AJAP1: variants seen among roughly 807,000 people sequenced by gnomAD.
The protein encoded by AJAP1 is adherens junctions associated protein 1.
AJAP1 carries 5 observed loss-of-function variants against 35.0 expected under a neutral mutation model. The observed-to-expected ratio is 0.14, with a 90% CI of 0.07 to 0.30. AJAP1 has a LOEUF of 0.30. Among genes scored for constraint, AJAP1 ranks in the 10% least tolerant of loss-of-function variants. AJAP1 has a pLI of 1.00. For missense variants in AJAP1, 586 were observed against 571.0 expected, an observed-to-expected ratio of 1.03 and a Z score of -0.27; for synonymous variants, 284 against 249.3, an observed-to-expected ratio of 1.14 and a Z score of -1.31.
rs1414458926 is a variant in AJAP1 at position 4,783,722 on chromosome 1, G to A, written c.*1237G>A. 6.6e-6 allele frequency: 1 copy of A among 151,656 alleles called. No homozygotes were observed. Among genetic ancestry groups the A allele is most frequent in the Non-Finnish European group, 1.5e-5 (1 of 67,952 alleles). 9.4% of individuals were successfully genotyped at this position (151,656 alleles called of 1,614,324 possible). A position where few individuals can be genotyped will look rare whatever the true frequency, so the allele number is the denominator to read the frequency against. On this transcript the variant is annotated 3_prime_UTR_variant, in exon 6 of 6. Transcript: ENST00000378191. The stretch of plus-strand genomic sequence containing the variant: ...GGGTGGGTGGTGGATTCTTGGACGT[G>A]TGTGTCATACAAGCATAGACTGGAT...
rs987570168 is a variant in AJAP1 at position 4,720,990 on chromosome 1, G to T, written c.829+8291G>T. On this transcript the variant is annotated intron_variant, in intron 2 of 5. Transcript: ENST00000378191. The surrounding 1 kb of genome is among the most constrained non-coding windows in gnomAD (Gnocchi z 4.4). Reference sequence around the variant, plus strand: ...CCCCATGGAGAGGATGGGGGACAGGGATGGGGGCTGGAGCCAGCACCATTT... The same window carrying T: ...CCCCATGGAGAGGATGGGGGACAGGTATGGGGGCTGGAGCCAGCACCATTT... Among the ~76,000 whole-genome samples, 1 of 152,204 alleles carries T rather than the reference G, an allele frequency of 6.6e-6. No homozygotes were observed. Among genetic ancestry groups the T allele is most frequent in the African/African-American group, 2.4e-5 (1 of 41,446 alleles).
At chr1:4,730,467 T>C (rs945059866) in intron 2 of AJAP1, among the ~76,000 whole-genome samples, 8 of 152,098 alleles carry the variant, frequency 5.3e-5, no homozygotes, top group Non-Finnish European at 7.4e-5. Flanking sequence ...ATCCCTCTCA[T>C]TTTTACAAAT....
chr1:4,764,767 T>C (rs1336279040), intron 2 of AJAP1, among the ~76,000 whole-genome samples: 1 of 152,152 alleles, frequency 6.6e-6, no homozygotes, highest in Non-Finnish European at 1.5e-5. Context: ...GGACCATCAC[T>C]CCCGCCATCA....
At chr1:4,689,603 T>C (rs1343108140) in intron 1 of AJAP1, among the ~76,000 whole-genome samples, 1 of 152,194 alleles carries the variant, frequency 6.6e-6, no homozygotes, top group African/African-American at 2.4e-5. Context: ...TTCAGCTCCG[T>C]GGGTGAGAAG....
At chr1:4,749,123 A>G (rs1276922171) in intron 2 of AJAP1, among the ~76,000 whole-genome samples, 2 of 152,178 alleles carry the variant, frequency 1.3e-5, no homozygotes, top group African/African-American at 2.4e-5. Flanking sequence ...TTCCAGTCTT[A>G]TCAACGTCAT....
intron 2 of AJAP1, among the ~76,000 whole-genome samples, chr1:4,747,249 C>T (rs1332802459): frequency 2.0e-5 from 3 of 152,154 alleles, no homozygotes; most frequent in Non-Finnish European, 4.4e-5. Context: ...CTTGGCTGCA[C>T]TCTGGCCCTC....
In AJAP1 at chr1:4,766,373, G is replaced by A. The variant is rs144649113; in HGVS notation, c.830-3480G>A. ...GGAAGGAAACTACTCCTGGCTCTTGGGGAGACTAAATGATGGGGCGGATGC... is the reference window on the plus strand; with the variant it reads ...GGAAGGAAACTACTCCTGGCTCTTGAGGAGACTAAATGATGGGGCGGATGC... On this transcript the variant is annotated intron_variant, in intron 2 of 5. Coordinates refer to ENST00000378191, the MANE Select transcript of AJAP1 (RefSeq NM_018836.4). 4.1e-4 allele frequency among the ~76,000 whole-genome samples: 63 copies of A among 152,284 alleles called. No individual in the cohort carries two copies. The East Asian group carries it at 0.012, about 28-fold the overall frequency.
At chr1:4,781,097 C>A (rs763031134) in intron 5 of AJAP1, among the ~76,000 whole-genome samples, 1 of 152,138 alleles carries the variant, frequency 6.6e-6, no homozygotes, top group African/African-American at 2.4e-5. Context: ...TGATCAGAGA[C>A]GCAGTGCTGA....
intron 1 of AJAP1, among the ~76,000 whole-genome samples, chr1:4,673,623 C>A (rs981526743): frequency 2.6e-5 from 4 of 152,138 alleles, no homozygotes; most frequent in African/African-American, 9.7e-5. Context: ...GTGGAGGGAG[C>A]AGGGGTCATG....
At position 4,723,640 on chromosome 1, in the gene AJAP1, G is replaced by A. The variant is rs12407501; in HGVS notation, c.829+10941G>A. 0.065 allele frequency among the ~76,000 whole-genome samples: 9,839 copies of A among 152,186 alleles called. 915 individuals carry two copies. Among genetic ancestry groups the A allele is most frequent in the East Asian group, 0.49 (2,521 of 5,128 alleles). On this transcript the variant is annotated intron_variant, in intron 2 of 5. Coordinates refer to ENST00000378191, the MANE Select transcript of AJAP1 (RefSeq NM_018836.4). The surrounding 1 kb of genome is among the most constrained non-coding windows in gnomAD (Gnocchi z 4.3). ...GAGGGGAGAGTCCTGCGAGGGCGAT[G>A]GAAGGGAGACGGGAGGTGAGCCGCA...
chr1:4,711,605 G>C (rs989309), intron 1 of AJAP1, among the ~76,000 whole-genome samples: 81,981 of 152,132 alleles, frequency 0.54, 22,526 homozygotes, highest in South Asian at 0.69. Context: ...GTTTTCGCTC[G>C]CGTGAAATGG....
At chr1:4,690,240 C>T (rs78059156) in intron 1 of AJAP1, among the ~76,000 whole-genome samples, 6 of 152,288 alleles carry the variant, frequency 3.9e-5, no homozygotes, top group East Asian at 3.9e-4. Flanking sequence ...GAAGTCAGTC[C>T]GCTCCTTCAC....
At chr1:4,733,570 G>T (rs1640850653) in intron 2 of AJAP1, among the ~76,000 whole-genome samples, 1 of 151,186 alleles carries the variant, frequency 6.6e-6, no homozygotes, top group Non-Finnish European at 1.5e-5. Flanking sequence ...AAGTCCAATT[G>T]CACAGCCGTC....
In AJAP1 at chr1:4,692,900, G is replaced by A. The variant is rs4654587; in HGVS notation, c.30-19000G>A. Among the ~76,000 whole-genome samples, 9,949 of 152,324 alleles carry A rather than the reference G, an allele frequency of 0.065. 358 individuals are homozygous for A. Among genetic ancestry groups the A allele is most frequent in the Admixed American group, 0.093 (1,426 of 15,304 alleles). On this transcript the variant is annotated intron_variant, in intron 1 of 5. Transcript: ENST00000378191. The surrounding 1 kb of genome is among the most constrained non-coding windows in gnomAD (Gnocchi z 4.4). Reference sequence around the variant, plus strand: ...GTGCTCTGTGCTGGAACTGGACAGGGAAGGGACGAGGTGTGCCCCATTCTG... The same window carrying A: ...GTGCTCTGTGCTGGAACTGGACAGGAAAGGGACGAGGTGTGCCCCATTCTG...
Position 4,772,175 on chromosome 1 carries a change from G to A in AJAP1, c.918-105G>A, listed in dbSNP as rs547162305. ...ATTACCGTTTAATATGAAATGATGC[G>A]TAGCTCACGCCTGCAAGCGAAAGAC... On this transcript the variant is annotated intron_variant, in intron 3 of 5. Coordinates refer to ENST00000378191, the MANE Select transcript of AJAP1 (RefSeq NM_018836.4). The A allele has an allele frequency of 1.1e-4, 164 of 1,436,468 alleles. 1 individual carries two copies. Among genetic ancestry groups the A allele is most frequent in the African/African-American group, 1.4e-4 (10 of 71,338 alleles). The allele number at this position is 1,436,468 out of a possible 1,614,324, so 89.0% of individuals were successfully genotyped here. A position where few individuals can be genotyped will look rare whatever the true frequency, so the allele number is the denominator to read the frequency against.
intron 1 of AJAP1, among the ~76,000 whole-genome samples, chr1:4,671,925 G>C (rs1177776981): frequency 6.6e-6 from 1 of 152,166 alleles, no homozygotes; most frequent in Non-Finnish European, 1.5e-5. Flanking sequence ...GTTGCAGTAG[G>C]AGCAGACTTT....
chr1:4,686,623 C>G lies in AJAP1; in HGVS notation c.30-25277C>G, dbSNP rs559918343. 3.9e-5 allele frequency among the ~76,000 whole-genome samples: 6 copies of G among 152,308 alleles called. No individual in the cohort carries two copies. The South Asian group carries it at 1.2e-3, about 32-fold the overall frequency. On this transcript the variant is annotated intron_variant, in intron 1 of 5. Transcript: ENST00000378191. The stretch of plus-strand genomic sequence containing the variant: ...CCGCAGAGCTTTGCCGAGCAGGAGG[C>G]CTTCAATGGGAATTCATTTCTCACT...
chr1:4,780,207 T>C (rs990157378), intron 5 of AJAP1, among the ~76,000 whole-genome samples: 30 of 151,676 alleles, frequency 2.0e-4, no homozygotes, highest in African/African-American at 6.0e-4. Flanking sequence ...TGAGTGCCTT[T>C]ACCGTCCTGT....
At chr1:4,746,414 C>A (rs775485302) in intron 2 of AJAP1, among the ~76,000 whole-genome samples, 4 of 152,142 alleles carry the variant, frequency 2.6e-5, no homozygotes, top group African/African-American at 9.7e-5. Flanking sequence ...GTGGCCATAT[C>A]TTTTGGGGGA....
Sources: gnomAD v4.1 joint callset for allele counts (sites outside exome capture counted in the v4.1 genomes callset) on GRCh38, gnomAD v4.1.1 for gene constraint, Gnocchi (gnomAD v3.1) non-coding constraint, MANE v1.5 for transcripts, NCBI Gene and HGNC (gene_info 2026-07-23, HGNC 2026-07-21) for gene names.